SPATS2: variants seen among roughly 807,000 people sequenced by gnomAD.
SPATS2 encodes the protein spermatogenesis-associated serine-rich protein 2.
A neutral mutation model predicts 63.7 loss-of-function variants in SPATS2; 38 were observed. That is an observed-to-expected ratio of 0.60 (90% CI 0.46 to 0.78). SPATS2 has a LOEUF of 0.78. Ranked by LOEUF, SPATS2 falls within the 30% of genes least tolerant of loss-of-function variation. SPATS2 has a pLI of 0.00. For missense variants in SPATS2, 588 were observed against 666.2 expected (o/e 0.88, Z 1.29); for synonymous variants, 207 against 232.9 (o/e 0.89, Z 1.01).
chr12:49,508,033 G>T (rs1946682418), intron 9 of SPATS2, among the ~76,000 whole-genome samples: 1 of 152,198 alleles, frequency 6.6e-6, no homozygotes. Context: ...TGTTATAGGT[G>T]AGAAAGATGG....
At chr12:49,368,428 T>TA (rs1254753797) in intron 1 of SPATS2, among the ~76,000 whole-genome samples, 1 of 152,228 alleles carries the variant, frequency 6.6e-6, no homozygotes, top group Non-Finnish European at 1.5e-5. Flanking sequence ...AGGTCAGTGA[T>TA]AATGCAGATT....
intron 4 of SPATS2, 146 bp from the exon 5 acceptor site, chr12:49,489,319 A>G (rs1359809407): frequency 1.0e-5 from 5 of 496,926 alleles, no homozygotes; most frequent in Admixed American, 3.8e-5. Context: ...TCCCAGTGAG[A>G]TGCTTGTATG....
chr12:49,410,069 G>GT (rs201936493), intron 2 of SPATS2, among the ~76,000 whole-genome samples: 4,427 of 150,726 alleles, frequency 0.029, 95 homozygotes, highest in Middle Eastern at 0.079. Context: ...TTCAATACAT[G>GT]TTTTTTTTTG....
chr12:49,484,733 C>T, intron 4 of SPATS2, 64 bp downstream of exon 4: 1 of 1,390,060 alleles, frequency 7.2e-7, no homozygotes. Context: ...ACTAATACGA[C>T]TAGTGGCTAC....
chr12:49,478,848 A>C (rs1289458615), intron 3 of SPATS2, among the ~76,000 whole-genome samples: 1 of 152,210 alleles, frequency 6.6e-6, no homozygotes, highest in Non-Finnish European at 1.5e-5. Context: ...TCCTGCATCC[A>C]GGAAGAATGA....
chr12:49,419,206 A>G (rs1181048062), intron 2 of SPATS2, among the ~76,000 whole-genome samples: 1 of 152,232 alleles, frequency 6.6e-6, no homozygotes, highest in Admixed American at 6.5e-5. Context: ...TTAATGCATG[A>G]TATGCTGCAT....
intron 2 of SPATS2, among the ~76,000 whole-genome samples, chr12:49,437,045 G>A (rs577372817): frequency 2.6e-5 from 4 of 152,098 alleles, no homozygotes; most frequent in African/African-American, 9.6e-5. Flanking sequence ...GGTGGCTGCC[G>A]GGTGGAGACG....
rs190607243 is a variant in SPATS2 at position 49,434,928 on chromosome 12, T to C, written c.-243-25842T>C. On this transcript the variant is annotated intron_variant, in intron 2 of 13. Transcript: ENST00000552918. Reference sequence around the variant, plus strand: ...TTATTATTTACTAGTATCCCCACATTTCAGGTTTTAATTTAATACAATATG... The same window carrying C: ...TTATTATTTACTAGTATCCCCACATCTCAGGTTTTAATTTAATACAATATG... Among the ~76,000 whole-genome samples, 303 of 152,178 alleles carry C rather than the reference T, an allele frequency of 2.0e-3. 2 individuals carry two copies. Among genetic ancestry groups the C allele is most frequent in the Non-Finnish European group, 1.6e-3 (112 of 68,004 alleles).
At chr12:49,401,153 G>A (rs115487755) in intron 2 of SPATS2, among the ~76,000 whole-genome samples, 4,425 of 152,086 alleles carry the variant, frequency 0.029, 93 homozygotes, top group Middle Eastern at 0.078. Flanking sequence ...TGGAACTATA[G>A]CCAAGTACCA....
At position 49,524,734 on chromosome 12, in the gene SPATS2, A is replaced by G. The variant is rs145928596; in HGVS notation, c.1164A>G (p.Thr388=). 8 of 1,614,062 alleles carry G rather than the reference A, an allele frequency of 5.0e-6. No homozygotes were observed. The African/African-American group carries it at 9.3e-5, about 19-fold the overall frequency. Residue 388 remains threonine (T), a synonymous_variant, in exon 13 of 14, where the codon ACA becomes ACG. Coordinates refer to ENST00000552918, the MANE Select transcript of SPATS2 (RefSeq NM_023071.4). ...CCAGATCCCGATGTAGCTCAGTTACATCTGTGTCCTTGAGTAGCCCAAGTG... is the reference window on the plus strand; with the variant it reads ...CCAGATCCCGATGTAGCTCAGTTACGTCTGTGTCCTTGAGTAGCCCAAGTG... The part of the protein sequence containing the change: ...YSTRSRCSSV[T]SVSLSSPSDA...
At chr12:49,507,505 C>G (rs1469607525) in intron 9 of SPATS2, among the ~76,000 whole-genome samples, 1 of 151,978 alleles carries the variant, frequency 6.6e-6, no homozygotes, top group East Asian at 1.9e-4. Context: ...TTTGTTTTTC[C>G]TTTTTTTAAA....
intron 2 of SPATS2, among the ~76,000 whole-genome samples, chr12:49,447,015 G>A (rs571725214): frequency 2.0e-5 from 3 of 150,706 alleles, no homozygotes; most frequent in South Asian, 4.2e-4. Context: ...TGCAACCTCC[G>A]CCTCCTGGGT....
At chr12:49,396,871 TCTTCAGCTCTGGA>T (rs1213935927) in intron 2 of SPATS2, among the ~76,000 whole-genome samples, 2 of 152,378 alleles carry the variant, frequency 1.3e-5, no homozygotes, top group East Asian at 3.9e-4. Context: ...GTATCATTTG[TCTTCAGCTCTGGA>T]CTTCAGCTCT....
chr12:49,520,065 C>T (rs566957481), intron 11 of SPATS2, among the ~76,000 whole-genome samples: 17 of 152,104 alleles, frequency 1.1e-4, no homozygotes, highest in South Asian at 8.3e-4. Flanking sequence ...CCGCAACCTC[C>T]GCCTCCCCGG....
intron 2 of SPATS2, among the ~76,000 whole-genome samples, chr12:49,384,164 T>C (rs1944270658): frequency 6.6e-6 from 1 of 152,196 alleles, no homozygotes; most frequent in Non-Finnish European, 1.5e-5. Context: ...GGGCTCTTGC[T>C]GTATATTGCC....
intron 2 of SPATS2, among the ~76,000 whole-genome samples, chr12:49,439,724 A>G (rs1319826055): frequency 6.6e-6 from 1 of 152,110 alleles, no homozygotes; most frequent in Non-Finnish European, 1.5e-5. Flanking sequence ...ATTCCTTCCC[A>G]CCTTAGCAGT....
intron 11 of SPATS2, 142 bp downstream of exon 11, chr12:49,519,324 C>CTGTA (rs1946899871): frequency 3.2e-6 from 2 of 631,728 alleles, no homozygotes; most frequent in African/African-American, 3.8e-5. Flanking sequence ...GTCCCTTTCT[C>CTGTA]TGTAAGTGGT....
At position 49,447,027 on chromosome 12, in the gene SPATS2, C is replaced by T. The variant is rs534387709; in HGVS notation, c.-243-13743C>T. ...CACTGCAACCTCCGCCTCCTGGGTT[C>T]AAGCAGTTCTCCTGCTTCAGCCTCC... On this transcript the variant is annotated intron_variant, in intron 2 of 13. Coordinates refer to ENST00000552918, the MANE Select transcript of SPATS2 (RefSeq NM_023071.4). Among the ~76,000 whole-genome samples, 6 of 151,658 alleles carry T rather than the reference C, an allele frequency of 4.0e-5. No homozygotes were observed. In the South Asian group the frequency reaches 1.2e-3, roughly 32 times the overall value.
At chr12:49,486,994 A>C (rs1250757509) in intron 4 of SPATS2, among the ~76,000 whole-genome samples, 1 of 152,134 alleles carries the variant, frequency 6.6e-6, no homozygotes. Flanking sequence ...CTTCTCTCTT[A>C]ACCAAATTTT....
Sources: gnomAD v4.1 joint callset for allele counts (sites outside exome capture counted in the v4.1 genomes callset) on GRCh38, gnomAD v4.1.1 for gene constraint, MANE v1.5 for transcripts, NCBI Gene and HGNC (gene_info 2026-07-23, HGNC 2026-07-21) for gene names.